Variants in ZMAT4 observed in about 807,000 individuals in gnomAD.
The protein encoded by ZMAT4 is zinc finger matrin-type 4, also known as zinc finger matrin-type protein 4.
In ZMAT4, 17 loss-of-function variants were observed where a neutral mutation model predicts 28.7. That is an observed-to-expected ratio of 0.59 (90% CI 0.41 to 0.89). The LOEUF (loss-of-function observed/expected upper bound fraction) is 0.89, where lower values mean the gene tolerates loss of function less well. Ranked by LOEUF, ZMAT4 falls within the 40% of genes least tolerant of loss-of-function variation. ZMAT4 has a pLI of 0.00. For synonymous variants in ZMAT4, 117 were observed against 109.2 expected (o/e 1.07, Z -0.44); for missense variants, 240 against 283.8 (o/e 0.85, Z 1.11).
At chr8:40,836,249 T>C (rs1042515349) in intron 1 of ZMAT4, among the ~76,000 whole-genome samples, 3 of 152,266 alleles carry the variant, frequency 2.0e-5, no homozygotes, top group Non-Finnish European at 4.4e-5. Flanking sequence ...CAACAAACAA[T>C]GGGGAGATTG....
At chr8:40,753,877 C>T (rs1163404855) in intron 3 of ZMAT4, among the ~76,000 whole-genome samples, 2 of 152,120 alleles carry the variant, frequency 1.3e-5, no homozygotes, top group African/African-American at 4.8e-5. Flanking sequence ...AAGTATTTAG[C>T]ATAGGGCCTG....
intron 6 of ZMAT4, among the ~76,000 whole-genome samples, chr8:40,579,394 G>A (rs924505026): frequency 6.6e-6 from 1 of 152,128 alleles, no homozygotes; most frequent in Non-Finnish European, 1.5e-5. Context: ...TTAGAGAAAT[G>A]ATGAAAACAG....
chr8:40,543,208 C>T (rs1418430399), intron 6 of ZMAT4, among the ~76,000 whole-genome samples: 2 of 152,158 alleles, frequency 1.3e-5, no homozygotes, highest in Non-Finnish European at 2.9e-5. Flanking sequence ...TCAGCACATT[C>T]TGCAGACAGG....
chr8:40,676,448 T>G (rs1372766524), intron 4 of ZMAT4, among the ~76,000 whole-genome samples: 1 of 152,162 alleles, frequency 6.6e-6, no homozygotes, highest in East Asian at 1.9e-4. Flanking sequence ...GTCTCTGAGA[T>G]GTAGGATGCA....
intron 2 of ZMAT4, among the ~76,000 whole-genome samples, chr8:40,776,217 C>T (rs1159705855): frequency 6.6e-6 from 1 of 152,162 alleles, no homozygotes; most frequent in Admixed American, 6.5e-5. Context: ...AGGGTAGTCC[C>T]AATGTTTCTA....
At chr8:40,677,055 A>G (rs1219747792) in intron 4 of ZMAT4, among the ~76,000 whole-genome samples, 1 of 152,184 alleles carries the variant, frequency 6.6e-6, no homozygotes, top group Non-Finnish European at 1.5e-5. Context: ...TCAAATGTCT[A>G]CAATATGAAT....
At chr8:40,809,597 G>C (rs1236653356) in intron 2 of ZMAT4, among the ~76,000 whole-genome samples, 1 of 152,142 alleles carries the variant, frequency 6.6e-6, no homozygotes, top group Non-Finnish European at 1.5e-5. Flanking sequence ...AAAAAACATA[G>C]TTTTAAGAAT....
At chr8:40,792,380 T>C (rs1017018251) in intron 2 of ZMAT4, among the ~76,000 whole-genome samples, 38 of 148,826 alleles carry the variant, frequency 2.6e-4, no homozygotes, top group Admixed American at 4.7e-4. Flanking sequence ...ACTAATATAA[T>C]GATAAGATTA....
intron 2 of ZMAT4, among the ~76,000 whole-genome samples, chr8:40,770,675 G>A (rs1295111187): frequency 6.6e-6 from 1 of 151,218 alleles, no homozygotes; most frequent in African/African-American, 2.4e-5. Context: ...AGCCTCCCCA[G>A]TAGCTGGGAT....
chr8:40,782,770 T>A (rs560777275), intron 2 of ZMAT4, among the ~76,000 whole-genome samples: 3 of 152,184 alleles, frequency 2.0e-5, no homozygotes, highest in African/African-American at 4.8e-5. Flanking sequence ...AGAAGAGATA[T>A]ACAAATGGTC....
intron 1 of ZMAT4, among the ~76,000 whole-genome samples, chr8:40,881,618 A>G (rs1818276840): frequency 6.6e-6 from 1 of 151,702 alleles, no homozygotes; most frequent in Admixed American, 6.6e-5. Flanking sequence ...GAAAAGAGAG[A>G]GAGAAAGAAA....
intron 5 of ZMAT4, among the ~76,000 whole-genome samples, chr8:40,596,717 C>T (rs913965028): frequency 6.6e-6 from 1 of 152,198 alleles, no homozygotes; most frequent in Admixed American, 6.5e-5. Context: ...TCACTATTAT[C>T]TACAGATTCA....
At chr8:40,672,386 A>G (rs778516345) in intron 5 of ZMAT4, among the ~76,000 whole-genome samples, 3 of 152,178 alleles carry the variant, frequency 2.0e-5, no homozygotes, top group Non-Finnish European at 4.4e-5. Flanking sequence ...AAGCTTTTGC[A>G]ATATTTAATG....
intron 6 of ZMAT4, among the ~76,000 whole-genome samples, chr8:40,560,050 C>A (rs1339481982): frequency 1.3e-5 from 2 of 152,082 alleles, no homozygotes; most frequent in Non-Finnish European, 2.9e-5. Context: ...CTGTTCCACT[C>A]TCCCACTAAT....
At chr8:40,711,272 T>G (rs568525942) in intron 3 of ZMAT4, among the ~76,000 whole-genome samples, 1 of 152,306 alleles carries the variant, frequency 6.6e-6, no homozygotes, top group East Asian at 1.9e-4. Context: ...GAAAATCACT[T>G]GTTATAAAAT....
chr8:40,872,246 T>C (rs1285562461), intron 1 of ZMAT4, among the ~76,000 whole-genome samples: 1 of 152,090 alleles, frequency 6.6e-6, no homozygotes, highest in Non-Finnish European at 1.5e-5. Flanking sequence ...AAGCCTCTGC[T>C]CCAGGCAGAA....
intron 5 of ZMAT4, among the ~76,000 whole-genome samples, chr8:40,610,605 A>G (rs765351228): frequency 1.3e-5 from 2 of 152,164 alleles, no homozygotes; most frequent in East Asian, 1.9e-4. Flanking sequence ...AAGCAGGAAC[A>G]ATTTCTTTCA....
At chr8:40,732,298 T>A (rs1406098025) in intron 3 of ZMAT4, among the ~76,000 whole-genome samples, 1 of 151,990 alleles carries the variant, frequency 6.6e-6, no homozygotes, top group African/African-American at 2.4e-5. Context: ...GAAGAGTGCC[T>A]ACAACGGGAA....
At chr8:40,865,489 C>T (rs994318343) in intron 1 of ZMAT4, among the ~76,000 whole-genome samples, 8 of 152,272 alleles carry the variant, frequency 5.3e-5, no homozygotes, top group African/African-American at 1.9e-4. Flanking sequence ...TCTGGGAAAC[C>T]CTATGAGTGA....
Sources: allele counts gnomAD v4.1 joint callset (sites outside exome capture counted in the v4.1 genomes callset), GRCh38; gene constraint gnomAD v4.1.1; transcripts MANE v1.5; gene names NCBI Gene and HGNC (gene_info 2026-07-23, HGNC 2026-07-21).